Variants in ACTR3C observed in about 807,000 individuals in gnomAD.
ACTR3C encodes actin-related protein 3C.
In ACTR3C, 18 loss-of-function variants were observed where a neutral mutation model predicts 26.3. The ratio of observed to expected loss-of-function variants is 0.68; its 90% confidence interval spans 0.47 to 1.01. ACTR3C has a LOEUF of 1.01. Ranked by LOEUF, ACTR3C falls within the 50% of genes least tolerant of loss-of-function variation. ACTR3C has a pLI of 0.00. For missense variants in ACTR3C, 184 were observed against 250.7 expected (o/e 0.73, Z 1.80); for synonymous variants, 55 against 94.5 (o/e 0.58, Z 2.42).
At chr7:150,241,993 G>A (rs533114908), downstream of ACTR3C, among the ~76,000 whole-genome samples, 62 of 152,244 alleles carry the variant, frequency 4.1e-4, no homozygotes, top group Admixed American at 1.8e-3. Context: ...CGAAGCGGGC[G>A]GATCACAAGG....
the ACTR3C span, among the ~76,000 whole-genome samples, chr7:150,181,233 A>G: frequency 6.6e-6 from 1 of 151,018 alleles, no homozygotes; most frequent in Admixed American, 6.6e-5. Context: ...CTTAGCAAAC[A>G]TAAGCAGTAG....
At chr7:150,043,787 G>T in the ACTR3C span, among the ~76,000 whole-genome samples, 4 of 152,158 alleles carry the variant, frequency 2.6e-5, no homozygotes, top group East Asian at 7.7e-4. Flanking sequence ...TTAAATTACA[G>T]TTGAAACAGA....
chr7:150,239,530 C>CTA (rs1453473171), downstream of ACTR3C, among the ~76,000 whole-genome samples: 24 of 122,550 alleles, frequency 2.0e-4, no homozygotes, highest in South Asian at 7.2e-4. Context: ...CTCTCTCTCT[C>CTA]TCTCTCTCTC....
the ACTR3C span, among the ~76,000 whole-genome samples, chr7:150,199,609 AT>A: frequency 7.3e-6 from 1 of 136,364 alleles, no homozygotes; most frequent in Non-Finnish European, 1.6e-5. Context: ...CAATAAAAAA[AT>A]AAATTTAAAA....
At chr7:150,068,656 A>G in the ACTR3C span, among the ~76,000 whole-genome samples, 1 of 149,898 alleles carries the variant, frequency 6.7e-6, no homozygotes, top group Non-Finnish European at 1.5e-5. Flanking sequence ...GGTGGCGGGC[A>G]CCTGTAGTCC....
chr7:149,932,527 T>C, the ACTR3C span, among the ~76,000 whole-genome samples: 3 of 152,114 alleles, frequency 2.0e-5, no homozygotes, highest in Non-Finnish European at 4.4e-5. Context: ...ATGGTCAAGA[T>C]GAAGGACCAC....
chr7:150,109,997 C>G, the ACTR3C span, among the ~76,000 whole-genome samples: 3 of 143,086 alleles, frequency 2.1e-5, no homozygotes, highest in Non-Finnish European at 4.5e-5. Context: ...GGAGGGGTCC[C>G]ACTGCCATGA....
chr7:150,177,028 A>G, the ACTR3C span, among the ~76,000 whole-genome samples: 1 of 150,576 alleles, frequency 6.6e-6, no homozygotes, highest in Non-Finnish European at 1.5e-5. Context: ...GTTTCAGTTG[A>G]CCTTTGAAGA....
At chr7:150,205,912 T>C in the ACTR3C span, among the ~76,000 whole-genome samples, 1 of 152,086 alleles carries the variant, frequency 6.6e-6, no homozygotes, top group African/African-American at 2.4e-5. Context: ...AACAGTTTTA[T>C]TTGGTGGTAA....
the ACTR3C span, among the ~76,000 whole-genome samples, chr7:150,155,480 A>G: frequency 6.6e-6 from 1 of 152,232 alleles, no homozygotes; most frequent in African/African-American, 2.4e-5. Context: ...GCAGGCACAT[A>G]AGGCCTCAAA....
the ACTR3C span, among the ~76,000 whole-genome samples, chr7:150,178,289 T>G: frequency 6.7e-6 from 1 of 149,058 alleles, no homozygotes; most frequent in South Asian, 2.1e-4. Flanking sequence ...ACTTTTTTTT[T>G]TTTTTTTTTT....
chr7:150,174,830 CAA>C, the ACTR3C span, among the ~76,000 whole-genome samples: 7 of 148,396 alleles, frequency 4.7e-5, no homozygotes, highest in African/African-American at 1.3e-4. Flanking sequence ...CAATTCTACA[CAA>C]AGTCTTCCAG....
At chr7:150,073,104 T>C in the ACTR3C span, among the ~76,000 whole-genome samples, 3 of 152,138 alleles carry the variant, frequency 2.0e-5, no homozygotes, top group African/African-American at 7.2e-5. Context: ...GGTGGGGACT[T>C]TGGGAGTGAT....
intron 1 of ACTR3C, among the ~76,000 whole-genome samples, chr7:150,320,024 C>A (rs1259616970): frequency 2.0e-5 from 3 of 152,220 alleles, no homozygotes; most frequent in Non-Finnish European, 4.4e-5. Context: ...CTTTTGCCCT[C>A]TTTTGAGTAA....
intron 6 of ACTR3C, among the ~76,000 whole-genome samples, chr7:150,267,129 G>A (rs576174151): frequency 3.3e-5 from 5 of 152,218 alleles, no homozygotes; most frequent in South Asian, 4.2e-4. Flanking sequence ...ACAGTCGCTC[G>A]CTGAGGCGCT....
the ACTR3C span, among the ~76,000 whole-genome samples, chr7:150,105,571 C>G: frequency 6.6e-6 from 1 of 152,032 alleles, no homozygotes; most frequent in Non-Finnish European, 1.5e-5. Flanking sequence ...AGCAACTGCA[C>G]TGAAGCACAG....
chr7:150,043,152 CAT>C, the ACTR3C span, among the ~76,000 whole-genome samples: 36 of 150,526 alleles, frequency 2.4e-4, no homozygotes, highest in South Asian at 2.4e-3. Flanking sequence ...CGTTCGGACC[CAT>C]GTCTTATTGT....
At chr7:150,038,804 G>A in the ACTR3C span, among the ~76,000 whole-genome samples, 5 of 142,504 alleles carry the variant, frequency 3.5e-5, no homozygotes, top group East Asian at 6.1e-4. Context: ...CTCGCGGGGG[G>A]TGCCTCCCCC....
chr7:149,925,899 C>T, the ACTR3C span, among the ~76,000 whole-genome samples: 1 of 152,044 alleles, frequency 6.6e-6, no homozygotes, highest in Non-Finnish European at 1.5e-5. Context: ...CCCTTCTCTA[C>T]TAAAAATACA....
Sources: allele counts gnomAD v4.1 joint callset (sites outside exome capture counted in the v4.1 genomes callset), GRCh38; gene constraint gnomAD v4.1.1; transcripts MANE v1.5; gene names NCBI Gene and HGNC (gene_info 2026-07-23, HGNC 2026-07-21).